CDH13: variants seen among roughly 807,000 people sequenced by gnomAD.
CDH13 encodes cadherin 13, also known as cadherin-13.
CDH13 carries 24 observed loss-of-function variants against 63.8 expected under a neutral mutation model. The ratio of observed to expected loss-of-function variants is 0.38; its 90% CI spans 0.27 to 0.53. The LOEUF (loss-of-function observed/expected upper bound fraction) is 0.53, where lower values mean the gene tolerates loss of function less well. CDH13 is among the 20% of genes least tolerant of loss of function. CDH13 has a pLI of 0.85. For missense variants in CDH13, 1,049 were observed against 903.1 expected (o/e 1.16, Z -2.07); for synonymous variants, 503 against 355.3 (o/e 1.42, Z -4.67).
At chr16:83,673,955 T>C (rs1393741434) in intron 9 of CDH13, among the ~76,000 whole-genome samples, 1 of 152,160 alleles carries the variant, frequency 6.6e-6, no homozygotes, top group African/African-American at 2.4e-5. Context: ...GCTTTGGAAT[T>C]GGGATGCAGA....
chr16:83,486,509 G>C lies in CDH13; in HGVS notation c.814G>C (p.Ala272Pro). The change falls in exon 7 of 14, where the codon GCA becomes CCA. Residue 272 changes from alanine (A) to proline (P), a missense_variant. Coordinates refer to ENST00000567109, the MANE Select transcript of CDH13 (RefSeq NM_001257.5). ...TTVMRMTAFD[A>P]DDPATDNALL... The stretch of plus-strand genomic sequence containing the variant: ...AGTGATGCGGATGACAGCCTTTGAT[G>C]CAGATGACCCAGCCACCGATAATGC... The C allele has an allele frequency of 6.2e-7, 1 of 1,613,736 alleles. No individual in the cohort carries two copies. The highest frequency in any genetic ancestry group is 8.5e-7 in the Non-Finnish European group (1 of 1,179,780).
chr16:83,695,104 G>T (rs1056678644), intron 10 of CDH13, among the ~76,000 whole-genome samples: 1 of 152,222 alleles, frequency 6.6e-6, no homozygotes, highest in Admixed American at 6.5e-5. Context: ...CTATTCAGGA[G>T]GCTAAGGCAG....
intron 2 of CDH13, among the ~76,000 whole-genome samples, chr16:82,901,745 A>G (rs1316684018): frequency 6.6e-6 from 1 of 152,228 alleles, no homozygotes; most frequent in Non-Finnish European, 1.5e-5. Flanking sequence ...ATGGATACGA[A>G]CCATATACCA....
intron 2 of CDH13, among the ~76,000 whole-genome samples, chr16:82,966,595 A>C (rs1275599802): frequency 6.6e-6 from 1 of 152,228 alleles, no homozygotes; most frequent in South Asian, 2.1e-4. Context: ...TCTGTCTTTT[A>C]TAATACACAG....
intron 1 of CDH13, among the ~76,000 whole-genome samples, chr16:82,745,722 A>C (rs896091478): frequency 6.6e-6 from 1 of 152,164 alleles, no homozygotes; most frequent in African/African-American, 2.4e-5. Context: ...CTTTTCATAA[A>C]TAGGATTTTT....
intron 3 of CDH13, among the ~76,000 whole-genome samples, chr16:83,041,862 T>C (rs1003147167): frequency 5.9e-5 from 9 of 152,198 alleles, no homozygotes; most frequent in African/African-American, 2.2e-4. Flanking sequence ...ATAAAACAAA[T>C]GTCATGCTTC....
At chr16:83,262,317 G>A (rs1488154675) in intron 5 of CDH13, among the ~76,000 whole-genome samples, 2 of 152,178 alleles carry the variant, frequency 1.3e-5, no homozygotes, top group Non-Finnish European at 1.5e-5. Flanking sequence ...AGTCTGCACA[G>A]CTGTGGTGTA....
chr16:83,746,262 C>A (rs933356635), intron 10 of CDH13, among the ~76,000 whole-genome samples: 2 of 152,110 alleles, frequency 1.3e-5, no homozygotes, highest in Non-Finnish European at 2.9e-5. Context: ...CCTGCCACTC[C>A]CCACTTCTGG....
At chr16:83,408,408 T>C (rs998825943) in intron 6 of CDH13, among the ~76,000 whole-genome samples, 3 of 152,218 alleles carry the variant, frequency 2.0e-5, no homozygotes, top group African/African-American at 7.2e-5. Flanking sequence ...TGGTATATTC[T>C]GCTACATGCC....
chr16:82,994,545 C>G (rs1243369509), intron 2 of CDH13, among the ~76,000 whole-genome samples: 5 of 152,192 alleles, frequency 3.3e-5, no homozygotes, highest in East Asian at 1.9e-4. Flanking sequence ...GGTTATTTCT[C>G]TCTCACTCTG....
In CDH13 at chr16:82,689,982, T is replaced by TAAAA. The variant is rs71146085; in HGVS notation, c.45+62878_45+62881dup. On this transcript the variant is annotated intron_variant, in intron 1 of 13. Coordinates refer to ENST00000567109, the MANE Select transcript of CDH13 (RefSeq NM_001257.5). ...CAACATGGTGAAACGCCATCTCTAC[T>TAAAA]AAAAAAAAAAAAAAAAAAAAAAAAA... Among the ~76,000 whole-genome samples, 81 of 15,776 alleles carry TAAAA rather than the reference T, an allele frequency of 5.1e-3. 30 individuals are homozygous for TAAAA. Among genetic ancestry groups the TAAAA allele is most frequent in the African/African-American group, 9.7e-3 (42 of 4,340 alleles). The allele number at this position is 15,776 out of a possible 152,430, so 10.3% of individuals were successfully genotyped here. A position where few individuals can be genotyped will look rare whatever the true frequency, so the allele number is the denominator to read the frequency against.
intron 1 of CDH13, among the ~76,000 whole-genome samples, chr16:82,659,621 C>A (rs951523367): frequency 6.6e-6 from 1 of 152,144 alleles, no homozygotes; most frequent in Non-Finnish European, 1.5e-5. Context: ...AAATATAATA[C>A]CACGTCCACA....
rs544754793 is a variant in CDH13 at position 83,132,249 on chromosome 16, C to T, written c.483+6748C>T. On this transcript the variant is annotated intron_variant, in intron 4 of 13. Coordinates refer to ENST00000567109, the MANE Select transcript of CDH13 (RefSeq NM_001257.5). ...TCACCCCTCTCCTGAAATGCAGACTCAGGGTTACTTGCTGTTGCCTGATTG... is the reference window on the plus strand; with the variant it reads ...TCACCCCTCTCCTGAAATGCAGACTTAGGGTTACTTGCTGTTGCCTGATTG... Among the ~76,000 whole-genome samples, 4 of 152,202 alleles carry T rather than the reference C, an allele frequency of 2.6e-5. No individual in the cohort carries two copies. The South Asian group carries it at 8.3e-4, about 32-fold the overall frequency.
intron 1 of CDH13, among the ~76,000 whole-genome samples, chr16:82,732,283 G>A (rs2033444057): frequency 6.6e-6 from 1 of 152,036 alleles, no homozygotes; most frequent in Admixed American, 6.6e-5. Context: ...AAAAAAAATA[G>A]GTCTGTATTT....
intron 2 of CDH13, among the ~76,000 whole-genome samples, chr16:82,870,306 C>T (rs147348250): frequency 7.9e-5 from 12 of 152,188 alleles, no homozygotes; most frequent in Admixed American, 4.6e-4. Context: ...ATCCAAAAGA[C>T]GGGCAATCAT....
chr16:83,349,991 G>T (rs973449568), intron 6 of CDH13, among the ~76,000 whole-genome samples: 1 of 152,104 alleles, frequency 6.6e-6, no homozygotes, highest in East Asian at 1.9e-4. Flanking sequence ...AAACACATAC[G>T]TTAGAGTTAT....
At chr16:83,554,969 T>G (rs1169589035) in intron 7 of CDH13, among the ~76,000 whole-genome samples, 7 of 150,482 alleles carry the variant, frequency 4.7e-5, no homozygotes, top group Non-Finnish European at 8.9e-5. Context: ...GTTATTTAGG[T>G]TGATGCTTCC....
intron 2 of CDH13, among the ~76,000 whole-genome samples, chr16:82,979,117 A>G (rs1909920840): frequency 1.3e-5 from 2 of 152,224 alleles, no homozygotes; most frequent in Non-Finnish European, 2.9e-5. Flanking sequence ...TGGGGCCTGT[A>G]GCTCCTTTGT....
At chr16:82,937,438 G>T (rs865992939) in intron 2 of CDH13, among the ~76,000 whole-genome samples, 18 of 146,934 alleles carry the variant, frequency 1.2e-4, no homozygotes, top group Non-Finnish European at 2.3e-4. Context: ...CACACACACA[G>T]ACACACACAC....
Sources: gnomAD v4.1 joint callset for allele counts (sites outside exome capture counted in the v4.1 genomes callset) on GRCh38, gnomAD v4.1.1 for gene constraint, MANE v1.5 for transcripts, NCBI Gene and HGNC (gene_info 2026-07-23, HGNC 2026-07-21) for gene names.